LIPI: variants seen among roughly 807,000 people sequenced by gnomAD.
The protein encoded by LIPI is lipase member I.
In LIPI, 59 loss-of-function variants were observed where a neutral mutation model predicts 50.6. The ratio of observed to expected loss-of-function variants is 1.16; its 90% CI spans 0.94 to 1.45. LIPI has a LOEUF of 1.45. Among genes scored for constraint, LIPI ranks in the 40% most tolerant of loss-of-function variants. LIPI has a pLI of 0.00. For synonymous variants in LIPI, 203 were observed against 178.2 expected, an observed-to-expected ratio of 1.14 and a Z score of -1.11; for missense variants, 586 against 536.3, an observed-to-expected ratio of 1.09 and a Z score of -0.92.
Position 14,152,751 on chromosome 21 carries a change from GAT to G in LIPI, c.1007-69_1007-68del, listed in dbSNP as rs546313665. 1,412 of 730,162 alleles carry G rather than the reference GAT, an allele frequency of 1.9e-3. 7 individuals are homozygous for G. The highest frequency in any genetic ancestry group is 0.018 in the African/African-American group (1,019 of 56,400). The allele number at this position is 730,162 out of a possible 1,614,324, so 45.2% of individuals were successfully genotyped here. On this transcript the variant is annotated intron_variant, in intron 7 of 9. Coordinates refer to ENST00000681601, the MANE Select transcript of LIPI (RefSeq NM_001302998.2). ...AATTTTTGGTTTTGGTACATATTCA[GAT>G]ATATATATATGTGTATGTATAGATA...
chr21:14,123,472 A>C (rs949788018), intron 9 of LIPI, among the ~76,000 whole-genome samples: 2 of 152,224 alleles, frequency 1.3e-5, no homozygotes, highest in African/African-American at 4.8e-5. Flanking sequence ...TAGGGACAAT[A>C]AGACCATCCT....
intron 2 of LIPI, among the ~76,000 whole-genome samples, chr21:14,187,361 A>G (rs2019492686): frequency 6.6e-6 from 1 of 152,128 alleles, no homozygotes; most frequent in South Asian, 2.1e-4. Flanking sequence ...GCCACTAATG[A>G]AAAACTACCC....
intron 7 of LIPI, among the ~76,000 whole-genome samples, chr21:14,159,186 CCAGA>C (rs1208164144): frequency 3.3e-5 from 5 of 151,254 alleles, no homozygotes; most frequent in Admixed American, 6.6e-5. Context: ...TATGCCAAAA[CCAGA>C]CAAAGACAAT....
chr21:14,154,563 A>G (rs370461986), intron 7 of LIPI, among the ~76,000 whole-genome samples: 9 of 152,214 alleles, frequency 5.9e-5, no homozygotes, highest in East Asian at 3.9e-4. Context: ...ATTAATATGT[A>G]TTATTAAATG....
At chr21:14,138,006 G>A (rs978951383) in intron 9 of LIPI, among the ~76,000 whole-genome samples, 9 of 152,060 alleles carry the variant, frequency 5.9e-5, no homozygotes, top group African/African-American at 2.2e-4. Context: ...AGTATATCCA[G>A]GGAAAGTATT....
chr21:14,206,578 C>T (rs1439056027), intron 1 of LIPI, among the ~76,000 whole-genome samples: 1 of 151,070 alleles, frequency 6.6e-6, no homozygotes, highest in African/African-American at 2.4e-5. Flanking sequence ...AGATTTAACC[C>T]TTTTTTTTTC....
At chr21:14,169,511 G>C (rs1473784583) in intron 4 of LIPI, among the ~76,000 whole-genome samples, 1 of 152,244 alleles carries the variant, frequency 6.6e-6, no homozygotes, top group East Asian at 1.9e-4. Context: ...ATAACAAACT[G>C]TCTCTCAGAC....
At chr21:14,142,723 A>T (rs1600856197) in intron 9 of LIPI, among the ~76,000 whole-genome samples, 1 of 151,796 alleles carries the variant, frequency 6.6e-6, no homozygotes, top group African/African-American at 2.4e-5. Context: ...GCCTCTAGTG[A>T]TCCTCCCGAC....
intron 9 of LIPI, among the ~76,000 whole-genome samples, chr21:14,131,993 G>A (rs537621228): frequency 3.3e-5 from 5 of 152,084 alleles, no homozygotes; most frequent in East Asian, 1.9e-4. Context: ...TCAAAGATAC[G>A]TTTTTAAAAA....
In LIPI at chr21:14,202,045, GACAA is replaced by G. The variant is rs1457039354; in HGVS notation, c.46+8751_46+8754del. Among the ~76,000 whole-genome samples the G allele has an allele frequency of 3.9e-5, 6 of 152,214 alleles. No individual in the cohort carries two copies. The South Asian group carries it at 8.3e-4, about 21-fold the overall frequency. Reference sequence around the variant, plus strand: ...CAAGCATTCTTATACACCAATAACAGACAAACAGAGAGGCAAATCATGAACTCCC... The same window carrying G: ...CAAGCATTCTTATACACCAATAACAGACAGAGAGGCAAATCATGAACTCCC... On this transcript the variant is annotated intron_variant, in intron 1 of 9. Coordinates refer to ENST00000681601, the MANE Select transcript of LIPI (RefSeq NM_001302998.2).
At chr21:14,128,863 A>T (rs1338897678) in intron 9 of LIPI, among the ~76,000 whole-genome samples, 1 of 152,130 alleles carries the variant, frequency 6.6e-6, no homozygotes, top group Admixed American at 6.5e-5. Context: ...CTGTGATCAG[A>T]GCCTTCCTAT....
intron 9 of LIPI, among the ~76,000 whole-genome samples, chr21:14,117,708 G>A (rs2016705796): frequency 6.6e-6 from 1 of 152,174 alleles, no homozygotes; most frequent in Non-Finnish European, 1.5e-5. Flanking sequence ...ATCAGTGCAT[G>A]GTTAATGCAG....
intron 8 of LIPI, among the ~76,000 whole-genome samples, chr21:14,150,928 A>G (rs1184168673): frequency 1.3e-5 from 2 of 152,212 alleles, no homozygotes; most frequent in African/African-American, 4.8e-5. Context: ...CCAGTTCTAT[A>G]CGACTGTTAA....
intron 7 of LIPI, among the ~76,000 whole-genome samples, chr21:14,160,136 T>G (rs142916836): frequency 6.6e-6 from 1 of 151,478 alleles, no homozygotes; most frequent in East Asian, 1.9e-4. Flanking sequence ...TATGCTAAAA[T>G]TTATATTGAA....
chr21:14,170,809 CA>C (rs1224396516), intron 4 of LIPI, among the ~76,000 whole-genome samples: 1 of 151,466 alleles, frequency 6.6e-6, no homozygotes, highest in African/African-American at 2.4e-5. Flanking sequence ...TGGCACAAGA[CA>C]GGGGTGCCCT....
rs2019436074 is a variant in LIPI at position 14,185,884 on chromosome 21, A to G, written c.541+77T>C. The G allele has an allele frequency of 4.9e-6, 4 of 815,294 alleles. No individual in the cohort carries two copies. The Admixed American group carries it at 8.4e-5, about 17-fold the overall frequency. The allele number at this position is 815,294 out of a possible 1,614,324, so 50.5% of individuals were successfully genotyped here. On this transcript the variant is annotated intron_variant, in intron 3 of 9. Coordinates refer to ENST00000681601, the MANE Select transcript of LIPI (RefSeq NM_001302998.2). ...GGCAACAGAGCGAGACTCTGTCTCA[A>G]AAAAAAAAAAATTAGCAAAGTAACT...
intron 1 of LIPI, among the ~76,000 whole-genome samples, chr21:14,196,212 T>C (rs552023793): frequency 1.0e-3 from 156 of 149,726 alleles, no homozygotes; most frequent in African/African-American, 3.7e-3. Flanking sequence ...CATGTCTGTG[T>C]AATTTAATAC....
chr21:14,172,558 C>G (rs1042131455), intron 4 of LIPI, among the ~76,000 whole-genome samples: 2 of 151,764 alleles, frequency 1.3e-5, no homozygotes, highest in African/African-American at 4.8e-5. Context: ...GAGTTCATGT[C>G]CTTTGTAGGG....
At chr21:14,185,004 A>G (rs968003733) in intron 3 of LIPI, among the ~76,000 whole-genome samples, 3 of 152,162 alleles carry the variant, frequency 2.0e-5, no homozygotes, top group Admixed American at 6.5e-5. Flanking sequence ...ATCAACACTT[A>G]AAGTTATTAT....
Sources: gnomAD v4.1 joint callset for allele counts (sites outside exome capture counted in the v4.1 genomes callset) on GRCh38, gnomAD v4.1.1 for gene constraint, MANE v1.5 for transcripts, NCBI Gene and HGNC (gene_info 2026-07-23, HGNC 2026-07-21) for gene names.